Variants in AFF1 observed in about 807,000 individuals in gnomAD.
AFF1 encodes ALF transcription elongation factor 1, also known as AF4/FMR2 family member 1.
Under a neutral mutation model 121.7 loss-of-function variants are expected in AFF1, and 48 were observed. That is an observed-to-expected ratio of 0.39 (90% CI 0.31 to 0.50). The LOEUF (loss-of-function observed/expected upper bound fraction) is 0.50, where lower values mean the gene tolerates loss of function less well. Among genes scored for constraint, AFF1 ranks in the 20% least tolerant of loss-of-function variants. AFF1 has a pLI of 0.76. For missense variants in AFF1, 1,523 were observed against 1,511.7 expected (o/e 1.01, Z -0.12); for synonymous variants, 613 against 563.0 (o/e 1.09, Z -1.26).
intron 14 of AFF1, 143 bp downstream of exon 14, chr4:87,126,479 T>G: frequency 1.4e-6 from 1 of 725,412 alleles, no homozygotes; most frequent in African/African-American, 1.8e-5. Flanking sequence ...AAAATGCTAC[T>G]TTTTGGAGGG....
intron 2 of AFF1, among the ~76,000 whole-genome samples, chr4:87,019,883 T>TTGG (rs1578076022): frequency 1.7e-3 from 2 of 1,180 alleles, no homozygotes; most frequent in East Asian, 0.062. Flanking sequence ...TCTGAAGGGG[T>TTGG]CGGGGGGGGG....
At chr4:87,130,710 A>G (rs952848027) in intron 16 of AFF1, among the ~76,000 whole-genome samples, 8 of 152,222 alleles carry the variant, frequency 5.3e-5, no homozygotes, top group African/African-American at 1.2e-4. Flanking sequence ...ACAAAGAAAT[A>G]TGCGTCTGCA....
rs35570172 is a variant in AFF1 at position 87,077,297 on chromosome 4, G to GT, written c.1060-6815dup. The stretch of plus-strand genomic sequence containing the variant: ...GCTGACTGGAAATCTGTTTTGTTTT[G>GT]TTTTTTTTACAAAAATTCAGTGTGG... On this transcript the variant is annotated intron_variant, in intron 4 of 20. Transcript: ENST00000395146. Among the ~76,000 whole-genome samples the GT allele has an allele frequency of 9.2e-5, 14 of 152,086 alleles. No homozygotes were observed. The East Asian group carries it at 9.7e-4, about 11-fold the overall frequency.
intron 2 of AFF1, among the ~76,000 whole-genome samples, chr4:86,996,723 A>AAAAC (rs139664480): frequency 5.6e-5 from 8 of 141,696 alleles, no homozygotes; most frequent in Admixed American, 1.4e-4. Flanking sequence ...ATGATCAATT[A>AAAAC]AAACAAACAA....
intron 2 of AFF1, among the ~76,000 whole-genome samples, chr4:86,957,057 G>A (rs1721793697): frequency 2.0e-5 from 3 of 152,050 alleles, no homozygotes; most frequent in African/African-American, 7.3e-5. Context: ...GAGAGTTGGA[G>A]GAGAATGAAT....
chr4:87,133,471 T>G (rs1250755025), intron 19 of AFF1, among the ~76,000 whole-genome samples: 2 of 152,236 alleles, frequency 1.3e-5, no homozygotes, highest in Non-Finnish European at 2.9e-5. Context: ...AAGAAGCAAC[T>G]TCGTATTACC....
rs1553912855 is a variant in AFF1, at chr4:86,985,209, ATAT to A, written c.38+36639_38+36641del. 5.2e-5 allele frequency among the ~76,000 whole-genome samples: 7 copies of A among 135,112 alleles called. No homozygotes were observed. The South Asian group carries it at 6.6e-4, about 13-fold the overall frequency. The allele number at this position is 135,112 out of a possible 152,430, so 88.6% of individuals were successfully genotyped here. On this transcript the variant is annotated intron_variant, in intron 2 of 20. Transcript: ENST00000395146. ...TATATATATATATATATATATATAT[ATAT>A]ATAAAATTATATTTTAGGCCGGGCA...
At chr4:87,134,144 T>C (rs1729094226) in intron 19 of AFF1, among the ~76,000 whole-genome samples, 1 of 152,242 alleles carries the variant, frequency 6.6e-6, no homozygotes, top group South Asian at 2.1e-4. Context: ...TAGTGTTTAC[T>C]GAGTGGATGA....
At position 87,046,838 on chromosome 4, in the gene AFF1, A is replaced by T; in HGVS notation, c.303A>T (p.Leu101Phe). ...ENRLGKPKYPLIPDKGSSIPS... is the reference protein window; with the variant it reads ...ENRLGKPKYPFIPDKGSSIPS... Reference sequence around the variant, plus strand: ...GGTTGGGAAAGCCGAAATATCCTTTAATTCCTGACAAAGGGAGCAGCATTC... The same window carrying T: ...GGTTGGGAAAGCCGAAATATCCTTTTATTCCTGACAAAGGGAGCAGCATTC... The change falls in exon 4 of 21, where the codon TTA becomes TTT. Residue 101 changes from leucine (L) to phenylalanine (F), a missense_variant. Transcript: ENST00000395146. 1.9e-6 allele frequency: 3 copies of T among 1,614,224 alleles called. No homozygotes were observed. Among genetic ancestry groups the T allele is most frequent in the Non-Finnish European group, 2.5e-6 (3 of 1,180,042 alleles).
chr4:87,083,083 A>T (rs756036122), intron 4 of AFF1, among the ~76,000 whole-genome samples: 1 of 152,230 alleles, frequency 6.6e-6, no homozygotes, highest in Non-Finnish European at 1.5e-5. Context: ...GCAAGTTGCT[A>T]TTCCATTGAA....
chr4:86,966,237 C>G (rs1393380732), intron 2 of AFF1, among the ~76,000 whole-genome samples: 1 of 152,088 alleles, frequency 6.6e-6, no homozygotes, highest in Non-Finnish European at 1.5e-5. Context: ...CTACTGTGTG[C>G]AGAGTGATAT....
At chr4:87,023,760 C>T (rs144218122) in intron 2 of AFF1, among the ~76,000 whole-genome samples, 156 of 152,284 alleles carry the variant, frequency 1.0e-3, no homozygotes, top group Non-Finnish European at 1.7e-3. Flanking sequence ...TAATGGCAAA[C>T]GGTGCAATCA....
chr4:87,120,472 G>A (rs913732217), intron 12 of AFF1, among the ~76,000 whole-genome samples: 18 of 152,242 alleles, frequency 1.2e-4, no homozygotes, highest in African/African-American at 2.4e-5. Flanking sequence ...GATCCAAAAA[G>A]GCACTAACAT....
intron 12 of AFF1, 143 bp from the exon 13 acceptor site, chr4:87,124,894 G>A (rs1056948979): frequency 8.2e-6 from 4 of 489,176 alleles, no homozygotes; most frequent in African/African-American, 5.9e-5. Flanking sequence ...AGACACACAT[G>A]GTAAGTACTA....
At chr4:87,037,604 C>T (rs1014727656) in intron 2 of AFF1, among the ~76,000 whole-genome samples, 3 of 152,096 alleles carry the variant, frequency 2.0e-5, no homozygotes, top group African/African-American at 7.2e-5. Flanking sequence ...TGAACCACTG[C>T]TCTCGGCCCT....
intron 16 of AFF1, among the ~76,000 whole-genome samples, chr4:87,129,868 C>T (rs182601138): frequency 1.1e-4 from 17 of 152,298 alleles, no homozygotes; most frequent in Admixed American, 7.2e-4. Flanking sequence ...TAGAGTGCAG[C>T]AGCATGCCTA....
intron 2 of AFF1, among the ~76,000 whole-genome samples, chr4:87,025,655 G>A (rs942080703): frequency 6.6e-6 from 1 of 152,136 alleles, no homozygotes. Flanking sequence ...CGCCTGGGAG[G>A]GGGGTGTGCT....
chr4:87,064,461 G>A (rs1477762244), intron 4 of AFF1, among the ~76,000 whole-genome samples: 1 of 152,186 alleles, frequency 6.6e-6, no homozygotes, highest in African/African-American at 2.4e-5. Flanking sequence ...TAGTATGGAG[G>A]CCAGGCACAG....
chr4:86,940,826 G>A (rs945630198), intron 1 of AFF1, among the ~76,000 whole-genome samples: 4 of 151,708 alleles, frequency 2.6e-5, no homozygotes, highest in African/African-American at 9.7e-5. Flanking sequence ...GGTGGCTCAT[G>A]CCTCTAATTC....
Sources: gnomAD v4.1 joint callset for allele counts (sites outside exome capture counted in the v4.1 genomes callset) on GRCh38, gnomAD v4.1.1 for gene constraint, MANE v1.5 for transcripts, NCBI Gene and HGNC (gene_info 2026-07-23, HGNC 2026-07-21) for gene names.